Variants in KLHDC8A observed in about 807,000 individuals in gnomAD.
KLHDC8A encodes the protein kelch domain containing 8A.
KLHDC8A carries 21 observed loss-of-function variants against 33.1 expected under a neutral mutation model. The ratio of observed to expected loss-of-function variants is 0.64; its 90% confidence interval spans 0.45 to 0.91. The LOEUF (loss-of-function observed/expected upper bound fraction) is 0.91, where lower values mean the gene tolerates loss of function less well. KLHDC8A is among the 40% of genes least tolerant of loss of function. The probability of loss-of-function intolerance (pLI) is 0.00; values close to 1 mark genes in which losing one functional copy is unlikely to be tolerated. For synonymous variants in KLHDC8A, 173 were observed against 193.5 expected (o/e 0.89, Z 0.88); for missense variants, 435 against 483.3 (o/e 0.90, Z 0.94).
Position 205,349,588 on chromosome 1 carries a change from G to A in KLHDC8A, c.-189-5795C>T, listed in dbSNP as rs533365453. Reference sequence around the variant, plus strand: ...CTCCTCTGCTGTTTAGTGCGTGCGGGAAGGTATGCTTCTCAAAGACCTCAG... The same window carrying A: ...CTCCTCTGCTGTTTAGTGCGTGCGGAAAGGTATGCTTCTCAAAGACCTCAG... On this transcript the variant is annotated intron_variant, in intron 1 of 5. Coordinates refer to ENST00000367155, the MANE Select transcript of KLHDC8A (RefSeq NM_018203.3). Among the ~76,000 whole-genome samples the A allele has an allele frequency of 1.1e-4, 16 of 152,356 alleles. No homozygotes were observed. In the South Asian group the frequency reaches 3.3e-3, roughly 32 times the overall value.
intron 4 of KLHDC8A, among the ~76,000 whole-genome samples, 191 bp from the exon 5 acceptor site, chr1:205,338,787 T>G (rs940377893): frequency 6.6e-6 from 1 of 152,146 alleles, no homozygotes; most frequent in Non-Finnish European, 1.5e-5. Flanking sequence ...CTCCCATGCT[T>G]GCTGCTCTGT....
intron 1 of KLHDC8A, among the ~76,000 whole-genome samples, chr1:205,349,456 G>A (rs1270166194): frequency 6.6e-6 from 1 of 152,216 alleles, no homozygotes; most frequent in Non-Finnish European, 1.5e-5. Context: ...TGGGACATTG[G>A]AAAGTGGACC....
rs142574812 is a variant in KLHDC8A, at chr1:205,337,675, C to G, written c.860-83G>C. ...CACGGTCACCCCACCTCCCTCCCTT[C>G]GGCACCCACAAGCAGAAGCCAAGCA... is the stretch of plus-strand genomic sequence containing the variant. On this transcript the variant is annotated intron_variant, in intron 5 of 5. Coordinates refer to ENST00000367155, the MANE Select transcript of KLHDC8A (RefSeq NM_018203.3). The G allele has an allele frequency of 1.0e-5, 10 of 973,426 alleles. No individual in the cohort carries two copies. The East Asian group carries it at 2.5e-4, about 24-fold the overall frequency. The allele number at this position is 973,426 out of a possible 1,614,324, so 60.3% of individuals were successfully genotyped here.
intron 4 of KLHDC8A, 89 bp from the exon 5 acceptor site, chr1:205,338,685 C>T (rs1662703219): frequency 9.9e-7 from 1 of 1,009,982 alleles, no homozygotes; most frequent in East Asian, 2.4e-5. Context: ...AAATAGCTTT[C>T]ACCCTGGGCA....
At chr1:205,349,142 A>T (rs1412485450) in intron 1 of KLHDC8A, among the ~76,000 whole-genome samples, 1 of 152,170 alleles carries the variant, frequency 6.6e-6, no homozygotes, top group African/African-American at 2.4e-5. Context: ...CGTGGACTTG[A>T]TGGGAGATGG....
Position 205,339,767 on chromosome 1 carries a change from G to A in KLHDC8A, c.418C>T (p.Arg140Cys), listed in dbSNP as rs371117097. The change falls in exon 3 of 6, where the codon CGT (arginine) becomes TGT (cysteine). Residue 140 changes from arginine to cysteine, a missense_variant. By Grantham distance (180) the Arg-to-Cys change is radical (BLOSUM62 -3). Coordinates refer to ENST00000367155, the MANE Select transcript of KLHDC8A (RefSeq NM_018203.3). The surrounding 1 kb of genome is among the most constrained non-coding windows in gnomAD (Gnocchi z 5.1). ...YAAGGMGLDL[R>C]PHNHLQHYDM... Reference sequence around the variant, plus strand: ...TAGTGTTGGAGGTGGTTGTGTGGACGTAGGTCCAGGCCCATCCCGCCTGCC... The same window carrying A: ...TAGTGTTGGAGGTGGTTGTGTGGACATAGGTCCAGGCCCATCCCGCCTGCC... 1.2e-5 allele frequency: 19 copies of A among 1,613,842 alleles called. No homozygotes were observed. Among genetic ancestry groups the A allele is most frequent in the African/African-American group, 9.3e-5 (7 of 74,936 alleles).
In KLHDC8A at chr1:205,339,553, A is replaced by T; in HGVS notation, c.541+91T>A. ...GGCAGTGTGATTATCCCCAGTGCCGAGGAGATGCTCAGCACACAGGCACTG... is the reference window on the plus strand; with the variant it reads ...GGCAGTGTGATTATCCCCAGTGCCGTGGAGATGCTCAGCACACAGGCACTG... On this transcript the variant is annotated intron_variant, in intron 3 of 5. Transcript: ENST00000367155. This position sits in a 1 kb window ranked among gnomAD's most constrained non-coding sequence, Gnocchi z 5.1. 1 of 1,489,346 alleles carries T rather than the reference A, an allele frequency of 6.7e-7. No individual in the cohort carries two copies. Among genetic ancestry groups the T allele is most frequent in the Non-Finnish European group, 9.3e-7 (1 of 1,080,332 alleles). 92.3% of individuals were successfully genotyped at this position (1,489,346 alleles called of 1,614,324 possible).
chr1:205,339,761 G>A lies in KLHDC8A; in HGVS notation c.424C>T (p.His142Tyr). 4 of 1,614,134 alleles carry A rather than the reference G, an allele frequency of 2.5e-6. No homozygotes were observed. Among genetic ancestry groups the A allele is most frequent in the Non-Finnish European group, 3.4e-6 (4 of 1,180,016 alleles). ...ATGTCATAGTGTTGGAGGTGGTTGT[G>A]TGGACGTAGGTCCAGGCCCATCCCG... ...AGGMGLDLRP[H>Y]NHLQHYDMLK... is the part of the protein sequence containing the mutation. The change falls in exon 3 of 6, where the codon CAC (histidine) becomes TAC (tyrosine). Residue 142 changes from histidine (H) to tyrosine (Y), a missense_variant. Coordinates refer to ENST00000367155, the MANE Select transcript of KLHDC8A (RefSeq NM_018203.3). This position sits in a 1 kb window ranked among gnomAD's most constrained non-coding sequence, Gnocchi z 5.1.
intron 1 of KLHDC8A, among the ~76,000 whole-genome samples, chr1:205,356,031 C>A (rs2102306663): frequency 6.6e-6 from 1 of 152,278 alleles, no homozygotes; most frequent in South Asian, 2.1e-4. Flanking sequence ...GATCCCGTCA[C>A]CTGTATAGTG....
Position 205,337,565 on chromosome 1 carries a change from G to C in KLHDC8A, c.887C>G (p.Ala296Gly), listed in dbSNP as rs369874690. Reference sequence around the variant, plus strand: ...GTTCTTCCCTGGGTGGAATGCTTCCGCCGTCTCCAGGACAGTGGGTTGATT... The same window carrying C: ...GTTCTTCCCTGGGTGGAATGCTTCCCCCGTCTCCAGGACAGTGGGTTGATT... The part of the protein sequence containing the change: ...LGNQPTVLET[A>G]EAFHPGKNKW... The change falls in exon 6 of 6, where the codon GCG becomes GGG. Residue 296 changes from alanine to glycine, a missense_variant. Physicochemically the swap from Ala to Gly is moderately conservative, Grantham distance 60. Coordinates refer to ENST00000367155, the MANE Select transcript of KLHDC8A (RefSeq NM_018203.3). 6.2e-7 allele frequency: 1 copy of C among 1,612,970 alleles called. No homozygotes were observed. The highest frequency in any genetic ancestry group is 1.3e-5 in the African/African-American group (1 of 74,850).
In KLHDC8A at chr1:205,339,958, A is replaced by G. The variant is rs776578859; in HGVS notation, c.377-150T>C. 3 of 556,634 alleles carry G rather than the reference A, an allele frequency of 5.4e-6. No individual in the cohort carries two copies. Among genetic ancestry groups the G allele is most frequent in the Non-Finnish European group, 9.2e-6 (3 of 326,444 alleles). 34.5% of individuals were successfully genotyped at this position (556,634 alleles called of 1,614,324 possible). ...TATCTGTATCAGTGTGGTTGATAGCACCATTCAAAGAAGTTCCTGCTATAG... is the reference window on the plus strand; with the variant it reads ...TATCTGTATCAGTGTGGTTGATAGCGCCATTCAAAGAAGTTCCTGCTATAG... On this transcript the variant is annotated intron_variant, in intron 2 of 5. Coordinates refer to ENST00000367155, the MANE Select transcript of KLHDC8A (RefSeq NM_018203.3). The surrounding 1 kb of genome is among the most constrained non-coding windows in gnomAD (Gnocchi z 5.1).
At position 205,336,137 on chromosome 1, in the gene KLHDC8A, G is replaced by C. The variant is rs1662623984; in HGVS notation, c.*1262C>G. 6.6e-6 allele frequency: 1 copy of C among 152,200 alleles called. No homozygotes were observed. 9.4% of individuals were successfully genotyped at this position (152,200 alleles called of 1,614,324 possible). ...CATCATTTATTTTAAAAATAACTGG[G>C]AGTCAGAAACAGATGCTAAGAGGAG... On this transcript the variant is annotated 3_prime_UTR_variant, in exon 6 of 6. Coordinates refer to ENST00000367155, the MANE Select transcript of KLHDC8A (RefSeq NM_018203.3).
Position 205,337,553 on chromosome 1 carries a change from T to G in KLHDC8A, c.899A>C (p.His300Pro). The G allele has an allele frequency of 6.2e-7, 1 of 1,613,848 alleles. No individual in the cohort carries two copies. Among genetic ancestry groups the G allele is most frequent in the Non-Finnish European group, 8.5e-7 (1 of 1,179,900 alleles). The change falls in exon 6 of 6, where the codon CAC (histidine) becomes CCC (proline). Residue 300 changes from histidine (H) to proline (P), a missense_variant. Coordinates refer to ENST00000367155, the MANE Select transcript of KLHDC8A (RefSeq NM_018203.3). ...PTVLETAEAFHPGKNKWEILP... is the reference protein window; with the variant it reads ...PTVLETAEAFPPGKNKWEILP... ...GATCTCCCATTTGTTCTTCCCTGGGTGGAATGCTTCCGCCGTCTCCAGGAC... is the reference window on the plus strand; with the variant it reads ...GATCTCCCATTTGTTCTTCCCTGGGGGGAATGCTTCCGCCGTCTCCAGGAC...
chr1:205,338,537 C>A lies in KLHDC8A; in HGVS notation c.817G>T (p.Ala273Ser), dbSNP rs777396643. The A allele has an allele frequency of 2.5e-6, 4 of 1,614,202 alleles. No homozygotes were observed. The South Asian group carries it at 3.3e-5, about 13-fold the overall frequency. Residue 273 changes from alanine to serine, a missense_variant, in exon 5 of 6, where the codon GCT (alanine) becomes TCT (serine). Ala to Ser is a moderately conservative substitution (Grantham distance 99). Transcript: ENST00000367155. ...FLKKRRADFV[A>S]GSLSGRVIVA... ...ATGACCCGTCCACTCAGAGAGCCAG[C>A]CACAAAATCTGCCCGCCGCTTCTTG... is the stretch of plus-strand genomic sequence containing the variant.
At position 205,339,835 on chromosome 1, in the gene KLHDC8A, T is replaced by G. The variant is rs1431225040; in HGVS notation, c.377-27A>C. 12 of 1,606,848 alleles carry G rather than the reference T, an allele frequency of 7.5e-6. No individual in the cohort carries two copies. Among genetic ancestry groups the G allele is most frequent in the Non-Finnish European group, 1.0e-5 (12 of 1,175,916 alleles). On this transcript the variant is annotated intron_variant, in intron 2 of 5. Coordinates refer to ENST00000367155, the MANE Select transcript of KLHDC8A (RefSeq NM_018203.3). The surrounding 1 kb of genome is among the most constrained non-coding windows in gnomAD (Gnocchi z 5.1). ...TAAGAAGAAAGGCCATACATGCCCCTGGCTTAGCTCACAGGTACAGCAAGA... is the reference window on the plus strand; with the variant it reads ...TAAGAAGAAAGGCCATACATGCCCCGGGCTTAGCTCACAGGTACAGCAAGA...
In KLHDC8A at chr1:205,336,086, G is replaced by A. The variant is rs541402548; in HGVS notation, c.*1313C>T. The stretch of plus-strand genomic sequence containing the variant: ...TGATGAGTGATACCTGACTCCTCCA[G>A]AACCCTTCAGGGCAGGCATTTTATT... On this transcript the variant is annotated 3_prime_UTR_variant, in exon 6 of 6. Transcript: ENST00000367155. 2 of 152,260 alleles carry A rather than the reference G, an allele frequency of 1.3e-5. No individual in the cohort carries two copies. The highest frequency in any genetic ancestry group is 4.1e-4 in the South Asian group (2 of 4,824). 9.4% of individuals were successfully genotyped at this position (152,260 alleles called of 1,614,324 possible). A position where few individuals can be genotyped will look rare whatever the true frequency, so the allele number is the denominator to read the frequency against.
chr1:205,346,960 C>T (rs1662965344), intron 1 of KLHDC8A, among the ~76,000 whole-genome samples: 1 of 152,160 alleles, frequency 6.6e-6, no homozygotes, highest in Admixed American at 6.5e-5. Flanking sequence ...AACTAAGGCT[C>T]ATATCCTACA....
At position 205,339,692 on chromosome 1, in the gene KLHDC8A, T is replaced by G; in HGVS notation, c.493A>C (p.Arg165=). 1 of 1,614,038 alleles carries G rather than the reference T, an allele frequency of 6.2e-7. No individual in the cohort carries two copies. Among genetic ancestry groups the G allele is most frequent in the Non-Finnish European group, 8.5e-7 (1 of 1,179,978 alleles). The stretch of plus-strand genomic sequence containing the variant: ...CGGAGGAAGGAGGTGGCAGCATATC[T>G]CGGGGTGGGCATGGGTGCTAGGGAC... ...WVSLAPMPTP[R]YAATSFLRGS... The change falls in exon 3 of 6, where the codon AGA becomes CGA. Residue 165 remains arginine (R), a synonymous_variant. Coordinates refer to ENST00000367155, the MANE Select transcript of KLHDC8A (RefSeq NM_018203.3). This position sits in a 1 kb window ranked among gnomAD's most constrained non-coding sequence, Gnocchi z 5.1.
Position 205,337,150 on chromosome 1 carries a change from A to C in KLHDC8A, c.*249T>G, listed in dbSNP as rs774071042. ...TTCCTGTGCCTTTCTTTGCCTGTGC[A>C]GTAAGTGAAGACTCTCTTCAGAGTC... is the stretch of plus-strand genomic sequence containing the variant. On this transcript the variant is annotated 3_prime_UTR_variant, in exon 6 of 6. Transcript: ENST00000367155. 3.8e-6 allele frequency: 2 copies of C among 525,950 alleles called. No individual in the cohort carries two copies. The highest frequency in any genetic ancestry group is 6.8e-6 in the Non-Finnish European group (2 of 293,612). The allele number at this position is 525,950 out of a possible 1,614,324, so 32.6% of individuals were successfully genotyped here. A position where few individuals can be genotyped will look rare whatever the true frequency, so the allele number is the denominator to read the frequency against.
Sources: allele counts gnomAD v4.1 joint callset (sites outside exome capture counted in the v4.1 genomes callset), GRCh38; gene constraint gnomAD v4.1.1; non-coding constraint Gnocchi (gnomAD v3.1); transcripts MANE v1.5; gene names NCBI Gene and HGNC (gene_info 2026-07-23, HGNC 2026-07-21).